MAP7D2: variants seen among roughly 807,000 people sequenced by gnomAD.
MAP7D2 encodes the protein MAP7 domain containing 2, also known as MAP7 domain-containing protein 2.
MAP7D2 carries 33 observed loss-of-function variants against 63.5 expected under a neutral mutation model. The observed-to-expected ratio is 0.52, with a 90% CI of 0.39 to 0.70. The LOEUF is 0.70. MAP7D2 is among the 30% of genes least tolerant of loss of function. The pLI is 0.00. For missense variants in MAP7D2, 626 were observed against 604.0 expected (o/e 1.04, Z -0.38); for synonymous variants, 224 against 223.7 (o/e 1.00, Z -0.01).
chrX:20,063,025 GA>G (rs1168401090), intron 3 of MAP7D2, among the ~76,000 whole-genome samples: 2 of 109,494 alleles, frequency 1.8e-5, no homozygotes, highest in Non-Finnish European at 3.8e-5. Flanking sequence ...AATCTCCTCT[GA>G]GTCTTTTTTT....
intron 2 of MAP7D2, 34 bp from the exon 3 acceptor site, chrX:20,063,611 C>T: frequency 8.4e-7 from 1 of 1,190,742 alleles, no homozygotes; most frequent in Non-Finnish European, 1.1e-6. Flanking sequence ...GGTGTCATTA[C>T]CAGAGCATCC....
At position 20,084,199 on chromosome X, in the gene MAP7D2, A is replaced by C. The variant is rs1390549040; in HGVS notation, c.131-19394T>G. The stretch of plus-strand genomic sequence containing the variant: ...CTGGTCAACAGAGCAAGACTCACAA[A>C]AAAAAAAAAAAAAAGAATCATCCAG... On this transcript the variant is annotated intron_variant, in intron 1 of 16. Coordinates refer to ENST00000379643, the MANE Select transcript of MAP7D2 (RefSeq NM_001168465.2). Among the ~76,000 whole-genome samples the C allele has an allele frequency of 8.8e-3, 936 of 106,409 alleles. 14 individuals are homozygous for C. Among genetic ancestry groups the C allele is most frequent in the African/African-American group, 0.03 (879 of 29,012 alleles). The allele number at this position is 106,409 out of a possible 115,157, so 92.4% of individuals were successfully genotyped here.
At chrX:20,036,084 T>C (rs985523861) in intron 8 of MAP7D2, among the ~76,000 whole-genome samples, 1 of 109,952 alleles carries the variant, frequency 9.1e-6, no homozygotes, top group Non-Finnish European at 1.9e-5. Flanking sequence ...AGCTAAACAA[T>C]GAGTACACTT....
intron 3 of MAP7D2, among the ~76,000 whole-genome samples, chrX:20,060,394 GAAAGA>G (rs1200109788): frequency 3.2e-5 from 3 of 93,480 alleles, no homozygotes; most frequent in African/African-American, 1.2e-4. Flanking sequence ...GTGCAGAAAA[GAAAGA>G]AAAGAAAAGA....
chrX:20,097,922 C>T (rs896772564), intron 1 of MAP7D2, among the ~76,000 whole-genome samples: 2 of 111,700 alleles, frequency 1.8e-5, no homozygotes, highest in Non-Finnish European at 3.8e-5. Context: ...ATTTATGGTA[C>T]TTATCAATGC....
Position 20,063,434 on chromosome X carries a change from G to A in MAP7D2, c.352C>T (p.Gln118Ter), listed in dbSNP as rs762351181. Residue 118 changes from glutamine (Q) to a stop codon, truncating the protein, a stop_gained, in exon 3 of 17, where the codon CAG becomes TAG. Transcript: ENST00000379643. LOFTEE classifies it high-confidence loss of function. ...KRAAVEEKRK[Q>*]KLREEEERLE... ...CTTACCTCCTCCTCCCGGAGCTTCT[G>A]TTTCCTTTTCTCTTCCACAGCAGCT... The A allele has an allele frequency of 2.5e-6, 3 of 1,210,060 alleles. No homozygotes were observed. The African/African-American group carries it at 5.2e-5, about 21-fold the overall frequency.
chrX:20,065,178 G>A (rs914615961), intron 1 of MAP7D2, among the ~76,000 whole-genome samples: 3 of 111,345 alleles, frequency 2.7e-5, no homozygotes, highest in East Asian at 5.6e-4. Flanking sequence ...TCCCAAGCCT[G>A]AAGCAGGACC....
intron 5 of MAP7D2, among the ~76,000 whole-genome samples, 160 bp from the exon 6 acceptor site, chrX:20,051,106 G>A (rs189697365): frequency 1.8e-4 from 20 of 112,823 alleles, no homozygotes; most frequent in African/African-American, 6.4e-4. Context: ...ATTTGTCATC[G>A]TAAAATAAAA....
chrX:20,093,023 A>T (rs1360501178), intron 1 of MAP7D2, among the ~76,000 whole-genome samples: 1 of 111,827 alleles, frequency 8.9e-6, no homozygotes, highest in Non-Finnish European at 1.9e-5. Context: ...TCAATCTGAG[A>T]CCAGCTTCCA....
At chrX:20,030,209 T>C (rs1484145756) in intron 8 of MAP7D2, among the ~76,000 whole-genome samples, 1 of 112,354 alleles carries the variant, frequency 8.9e-6, no homozygotes, top group Non-Finnish European at 1.9e-5. Context: ...GTGAGGTACG[T>C]AGGAAATTGC....
chrX:20,025,042 C>T lies in MAP7D2; in HGVS notation c.1321G>A (p.Ala441Thr). Residue 441 changes from alanine (A) to threonine (T), a missense_variant, in exon 10 of 17, where the codon GCT (alanine) becomes ACT (threonine). Transcript: ENST00000379643. ...CTCTTTTCAGCCAAGATCTTCGCAG[C>T]CTCTCCTGCATCAGTGGTGCCTGCT... ...PTAGTTDAGE[A>T]AKILAEKRRQ... The T allele has an allele frequency of 8.3e-7, 1 of 1,211,179 alleles. No individual in the cohort carries two copies. The highest frequency in any genetic ancestry group is 1.7e-5 in the African/African-American group (1 of 57,947).
intron 1 of MAP7D2, among the ~76,000 whole-genome samples, chrX:20,065,471 T>C (rs1433910867): frequency 9.1e-6 from 1 of 110,075 alleles, no homozygotes; most frequent in Non-Finnish European, 1.9e-5. Context: ...TTCATCATGT[T>C]GGCCAGGCTA....
rs375535106 is a variant in MAP7D2, at chrX:20,083,103, C to G, written c.131-18298G>C. Among the ~76,000 whole-genome samples the G allele has an allele frequency of 1.2e-4, 13 of 112,351 alleles. No homozygotes were observed. The South Asian group carries it at 1.9e-3, about 16-fold the overall frequency. On this transcript the variant is annotated intron_variant, in intron 1 of 16. Coordinates refer to ENST00000379643, the MANE Select transcript of MAP7D2 (RefSeq NM_001168465.2). ...CTCTAACCGCATCCCTGCTAAAACC[C>G]TCTTTGGAAAACAAAAGAACCATGA...
chrX:20,072,031 A>G (rs1241902566), intron 1 of MAP7D2, among the ~76,000 whole-genome samples: 1 of 111,383 alleles, frequency 9.0e-6, no homozygotes, highest in Non-Finnish European at 1.9e-5. Context: ...AAAGACTGGG[A>G]GGGACTCAAA....
chrX:20,032,784 G>A (rs1347701040), intron 8 of MAP7D2, among the ~76,000 whole-genome samples: 2 of 111,698 alleles, frequency 1.8e-5, no homozygotes, highest in African/African-American at 6.5e-5. Context: ...AGGTTGGCCC[G>A]ACTGCTTTGA....
chrX:20,083,652 A>T (rs73445278), intron 1 of MAP7D2, among the ~76,000 whole-genome samples: 3,776 of 111,982 alleles, frequency 0.034, 162 homozygotes, highest in African/African-American at 0.12. Context: ...AAAGGTCAAT[A>T]CATACATTTC....
chrX:20,073,858 C>T lies in MAP7D2; in HGVS notation c.131-9053G>A, dbSNP rs1303921465. Among the ~76,000 whole-genome samples, 9 of 99,347 alleles carry T rather than the reference C, an allele frequency of 9.1e-5. No individual in the cohort carries two copies. In the South Asian group the frequency reaches 2.4e-3, roughly 26 times the overall value. The allele number at this position is 99,347 out of a possible 115,157, so 86.3% of individuals were successfully genotyped here. A position where few individuals can be genotyped will look rare whatever the true frequency, so the allele number is the denominator to read the frequency against. Reference sequence around the variant, plus strand: ...TTAATCTAGAAAATAACCCACCGGCCGGGCGCGGTGGCTCACGCCTGTAAT... The same window carrying T: ...TTAATCTAGAAAATAACCCACCGGCTGGGCGCGGTGGCTCACGCCTGTAAT... On this transcript the variant is annotated intron_variant, in intron 1 of 16. Coordinates refer to ENST00000379643, the MANE Select transcript of MAP7D2 (RefSeq NM_001168465.2).
At chrX:20,019,693 C>T (rs2073564412) in intron 10 of MAP7D2, among the ~76,000 whole-genome samples, 1 of 111,042 alleles carries the variant, frequency 9.0e-6, no homozygotes, top group African/African-American at 3.4e-5. Flanking sequence ...TAACCTTCAA[C>T]ATTAATCTTC....
chrX:20,069,823 T>A (rs1480434565), intron 1 of MAP7D2, among the ~76,000 whole-genome samples: 3 of 106,832 alleles, frequency 2.8e-5, no homozygotes, highest in Non-Finnish European at 5.8e-5. Context: ...TCACCCAGGC[T>A]GGAGTGCAGT....
Sources: allele counts gnomAD v4.1 joint callset (sites outside exome capture counted in the v4.1 genomes callset), GRCh38; gene constraint gnomAD v4.1.1; transcripts MANE v1.5; gene names NCBI Gene and HGNC (gene_info 2026-07-23, HGNC 2026-07-21).